Variants in TREM2 observed in about 807,000 individuals in gnomAD.
The protein encoded by TREM2 is triggering receptor expressed on monocytes 2.
A neutral mutation model predicts 22.9 loss-of-function variants in TREM2; 20 were observed. The observed-to-expected ratio is 0.87, with a 90% CI of 0.61 to 1.27. TREM2 has a LOEUF of 1.27. TREM2 is among the 50% of genes most tolerant of loss of function. The probability of loss-of-function intolerance (pLI) is 0.00; values close to 1 mark genes in which losing one functional copy is unlikely to be tolerated. For missense variants in TREM2, 267 were observed against 289.0 expected (o/e 0.92, Z 0.55); for synonymous variants, 111 against 120.9 (o/e 0.92, Z 0.54).
chr6:41,159,713 G>T, intron 3 of TREM2, 79 bp downstream of exon 3: 1 of 1,331,758 alleles, frequency 7.5e-7, no homozygotes, highest in Non-Finnish European at 1.1e-6. Context: ...TGTAGTTCAG[G>T]ATGCCCAGCC....
rs768621570 is a variant in TREM2 at position 41,159,068 on chromosome 6, T to G, written c.483-2A>C. ...GGGATTTCTCCTTCCAAGAGGCTCC[T>G]TGGAGAGACAAGAAGGCAGATGGGA... On this transcript the variant is annotated splice_acceptor_variant, in intron 3 of 4. Transcript: ENST00000373113. LOFTEE classifies it high-confidence loss of function. The G allele has an allele frequency of 8.7e-6, 14 of 1,611,090 alleles. No homozygotes were observed. Among genetic ancestry groups the G allele is most frequent in the Admixed American group, 1.7e-5 (1 of 59,384 alleles).
intron 1 of TREM2, among the ~76,000 whole-genome samples, chr6:41,162,257 G>C (rs1765585469): frequency 6.6e-6 from 1 of 152,198 alleles, no homozygotes; most frequent in African/African-American, 2.4e-5. Context: ...TGTGACAGAG[G>C]CTTGAAAGAT....
chr6:41,158,596 C>T lies in TREM2; in HGVS notation c.*168G>A. The T allele has an allele frequency of 6.4e-7, 1 of 1,559,314 alleles. No individual in the cohort carries two copies. Among genetic ancestry groups the T allele is most frequent in the Non-Finnish European group, 8.7e-7 (1 of 1,150,548 alleles). Reference sequence around the variant, plus strand: ...TTGTCAGGTGTTCTTACCACCTCCCCACTCCCTCAACCAGTCCCTGCTTCC... The same window carrying T: ...TTGTCAGGTGTTCTTACCACCTCCCTACTCCCTCAACCAGTCCCTGCTTCC... On this transcript the variant is annotated 3_prime_UTR_variant, in exon 5 of 5. Transcript: ENST00000373113.
Position 41,161,381 on chromosome 6 carries a change from G to A in TREM2, c.273C>T (p.Gly91=), listed in dbSNP as rs1288779012. ...GATTCCGCAGCGTAATGGTGAGAGT[G>A]CCACCCAGGGTATCGTCTGTGATGG... The part of the protein sequence containing the change: ...STAITDDTLG[G]TLTITLRNLQ... Residue 91 remains glycine (G), a synonymous_variant, in exon 2 of 5, where the codon GGC becomes GGT. Transcript: ENST00000373113. 3.1e-6 allele frequency: 5 copies of A among 1,614,092 alleles called. No individual in the cohort carries two copies. In the African/African-American group the frequency reaches 6.7e-5, roughly 22 times the overall value.
chr6:41,160,534 G>T (rs1337378949), intron 2 of TREM2, among the ~76,000 whole-genome samples: 2 of 152,016 alleles, frequency 1.3e-5, no homozygotes, highest in African/African-American at 4.8e-5. Context: ...GGCCTTCCTG[G>T]AGGGTGGTCC....
rs899074446 is a variant in TREM2, at chr6:41,161,243, G to A, written c.391+20C>T. The stretch of plus-strand genomic sequence containing the variant: ...GCCTGGAACAGGGGCAGGCCAGAGA[G>A]GCAGCCACTGCCCACTCACCTGCCA... On this transcript the variant is annotated intron_variant, in intron 2 of 4. Transcript: ENST00000373113. 6.2e-7 allele frequency: 1 copy of A among 1,607,812 alleles called. No homozygotes were observed.
In TREM2 at chr6:41,158,779, C is replaced by T. The variant is rs779444937; in HGVS notation, c.678G>A (p.Gly226=). ...DPGYQLQTLP[G]LRDT ...TCATCTTCCTTCACGTGTCTCTCAG[C>T]CCTGCAATAGTCCAAGGACTCATGT... The change falls in exon 5 of 5, where the codon GGG becomes GGA. Residue 226 remains glycine (G), a splice_region_variant and synonymous_variant. Transcript: ENST00000373113. The T allele has an allele frequency of 6.2e-7, 1 of 1,614,226 alleles. No homozygotes were observed. Among genetic ancestry groups the T allele is most frequent in the South Asian group, 1.1e-5 (1 of 91,086 alleles).
chr6:41,158,847 T>C (rs1765485134), intron 4 of TREM2, 26 bp downstream of exon 4: 1 of 1,614,216 alleles, frequency 6.2e-7, no homozygotes, highest in Admixed American at 1.7e-5. Context: ...CAGTCCACCC[T>C]TGATGGCTGT....
intron 1 of TREM2, among the ~76,000 whole-genome samples, chr6:41,162,471 G>T (rs57488419): frequency 0.036 from 5,451 of 152,208 alleles, 315 homozygotes; most frequent in African/African-American, 0.12. Flanking sequence ...GGAGCAAAAG[G>T]TGCGCTTTCC....
Position 41,161,367 on chromosome 6 carries a change from G to C in TREM2, c.287C>G (p.Thr96Arg), listed in dbSNP as rs2234253. Residue 96 changes from threonine (T) to arginine (R), a missense_variant, in exon 2 of 5, where the codon ACG (threonine) becomes AGG (arginine). Physicochemically the swap from Thr to Arg is moderately conservative, Grantham distance 71. Transcript: ENST00000373113. ...DDTLGGTLTI[T>R]LRNLQPHDAG... Reference sequence around the variant, plus strand: ...ATCATGGGGTTGTAGATTCCGCAGCGTAATGGTGAGAGTGCCACCCAGGGT... The same window carrying C: ...ATCATGGGGTTGTAGATTCCGCAGCCTAATGGTGAGAGTGCCACCCAGGGT... 1 of 1,614,204 alleles carries C rather than the reference G, an allele frequency of 6.2e-7. No individual in the cohort carries two copies. The highest frequency in any genetic ancestry group is 8.5e-7 in the Non-Finnish European group (1 of 1,180,040).
Position 41,161,451 on chromosome 6 carries a change from T to C in TREM2, c.203A>G (p.Asn68Ser), listed in dbSNP as rs1018859599. Residue 68 changes from asparagine to serine, a missense_variant, in exon 2 of 5, where the codon AAC becomes AGC. Physicochemically the swap from Asn to Ser is conservative, Grantham distance 46. Coordinates refer to ENST00000373113, the MANE Select transcript of TREM2 (RefSeq NM_018965.4). ...GPCQRVVSTH[N>S]LWLLSFLRRW... is the part of the protein sequence containing the mutation. Reference sequence around the variant, plus strand: ...CCTCAGGAAGGACAGCAGCCACAAGTTGTGCGTGCTGACCACACGCTGGCA... The same window carrying C: ...CCTCAGGAAGGACAGCAGCCACAAGCTGTGCGTGCTGACCACACGCTGGCA... 28 of 1,614,070 alleles carry C rather than the reference T, an allele frequency of 1.7e-5. No homozygotes were observed. The highest frequency in any genetic ancestry group is 2.4e-5 in the Non-Finnish European group (28 of 1,180,042).
Position 41,159,868 on chromosome 6 carries a change from G to GGCA in TREM2, c.405_406insTGC (p.His135_Arg136insCys), listed in dbSNP as rs2113878253. 6.2e-7 allele frequency: 1 copy of GGCA among 1,613,838 alleles called. No homozygotes were observed. Among genetic ancestry groups the GGCA allele is most frequent in the East Asian group, 2.2e-5 (1 of 44,862 alleles). Reference sequence around the variant, plus strand: ...GGGAACCAGAGATCTCCAGCATCCCGGTGATCCAGGGGGTCTATGGGAGGC... The same window carrying GGCA: ...GGGAACCAGAGATCTCCAGCATCCCGGCAGTGATCCAGGGGGTCTATGGGAGGC... On this transcript the variant is annotated inframe_insertion, in exon 3 of 5. Coordinates refer to ENST00000373113, the MANE Select transcript of TREM2 (RefSeq NM_018965.4).
rs559814272 is a variant in TREM2, at chr6:41,159,662, G to A, written c.482+130C>T. The A allele has an allele frequency of 7.8e-6, 6 of 773,166 alleles. No individual in the cohort carries two copies. The African/African-American group carries it at 8.5e-5, about 11-fold the overall frequency. The allele number at this position is 773,166 out of a possible 1,614,324, so 47.9% of individuals were successfully genotyped here. A position where few individuals can be genotyped will look rare whatever the true frequency, so the allele number is the denominator to read the frequency against. ...AGCTGGTGGAGGGGTGTTTACATAA[G>A]AGATATCCAGGGCCCTTCAGGCTCT... On this transcript the variant is annotated intron_variant, in intron 3 of 4. Coordinates refer to ENST00000373113, the MANE Select transcript of TREM2 (RefSeq NM_018965.4).
chr6:41,161,575 C>G lies in TREM2; in HGVS notation c.79G>C (p.Val27Leu). Residue 27 changes from valine to leucine, a missense_variant, in exon 2 of 5, where the codon GTG becomes CTG. Val to Leu is a conservative substitution (Grantham distance 32). Transcript: ENST00000373113. The stretch of plus-strand genomic sequence containing the variant: ...GACACCTGCAGGGACTGGCCCGCCA[C>G]GCCCTGGAACACTGTGGTGTTGTGG... ...GAHNTTVFQGVAGQSLQVSCP... is the reference protein window; with the variant it reads ...GAHNTTVFQGLAGQSLQVSCP... 2 of 1,614,108 alleles carry G rather than the reference C, an allele frequency of 1.2e-6. No individual in the cohort carries two copies. Among genetic ancestry groups the G allele is most frequent in the Non-Finnish European group, 8.5e-7 (1 of 1,180,014 alleles).
At chr6:41,162,841 G>A (rs541364967) in intron 1 of TREM2, among the ~76,000 whole-genome samples, 1 of 152,258 alleles carries the variant, frequency 6.6e-6, no homozygotes, top group East Asian at 1.9e-4. Context: ...AAGAGTCTGA[G>A]GGTAGGTTTT....
chr6:41,160,300 A>G (rs988395118), intron 2 of TREM2, among the ~76,000 whole-genome samples: 21 of 152,070 alleles, frequency 1.4e-4, no homozygotes, highest in Non-Finnish European at 2.5e-4. Flanking sequence ...GTTCACTGCC[A>G]CCGGCCATCC....
Position 41,158,724 on chromosome 6 carries a change from G to C in TREM2, c.*40C>G. The C allele has an allele frequency of 6.2e-7, 1 of 1,614,214 alleles. No individual in the cohort carries two copies. The highest frequency in any genetic ancestry group is 1.1e-5 in the South Asian group (1 of 91,080). On this transcript the variant is annotated 3_prime_UTR_variant, in exon 5 of 5. Transcript: ENST00000373113. ...AAGTATGCAGGCTGGGCTGGTCCCT[G>C]GTGGGACTTCTCCTGGGCTTTTCCT...
chr6:41,158,756 A>G lies in TREM2; in HGVS notation c.*8T>C, dbSNP rs756478866. On this transcript the variant is annotated 3_prime_UTR_variant, in exon 5 of 5. Coordinates refer to ENST00000373113, the MANE Select transcript of TREM2 (RefSeq NM_018965.4). ...CTTCTCCTGGGCTTTTCCTCCCATC[A>G]TCTTCCTTCACGTGTCTCTCAGCCC... 6.2e-7 allele frequency: 1 copy of G among 1,614,056 alleles called. No homozygotes were observed. Among genetic ancestry groups the G allele is most frequent in the Non-Finnish European group, 8.5e-7 (1 of 1,179,992 alleles).
chr6:41,162,279 GTTGGTGGCTTGCCTT>G (rs1369050679), intron 1 of TREM2, among the ~76,000 whole-genome samples: 2 of 152,326 alleles, frequency 1.3e-5, no homozygotes, highest in Admixed American at 1.3e-4. Flanking sequence ...GGATTGGGAA[GTTGGTGGCTTGCCTT>G]TTGGAACTAG....
Sources: gnomAD v4.1 joint callset for allele counts (sites outside exome capture counted in the v4.1 genomes callset) on GRCh38, gnomAD v4.1.1 for gene constraint, MANE v1.5 for transcripts, NCBI Gene and HGNC (gene_info 2026-07-23, HGNC 2026-07-21) for gene names.